Variants in PCCA observed in about 807,000 individuals in gnomAD.
PCCA encodes the protein propionyl-CoA carboxylase alpha chain, mitochondrial.
PCCA carries 74 observed loss-of-function variants against 101.3 expected under a neutral mutation model. The observed-to-expected ratio is 0.73, with a 90% CI of 0.61 to 0.89. PCCA has a LOEUF of 0.89. Among genes scored for constraint, PCCA ranks in the 40% least tolerant of loss-of-function variants. The pLI is 0.00. For missense variants in PCCA, 891 were observed against 907.0 expected, an observed-to-expected ratio of 0.98 and a Z score of 0.23; for synonymous variants, 294 against 313.6, an observed-to-expected ratio of 0.94 and a Z score of 0.66.
chr13:100,506,907 A>AT (rs1200734676), intron 21 of PCCA, among the ~76,000 whole-genome samples: 21 of 152,186 alleles, frequency 1.4e-4, no homozygotes, highest in Non-Finnish European at 2.4e-4. Context: ...CTAATTATAG[A>AT]TTTTTAAGAG....
rs1240181267 is a variant in PCCA at position 100,232,355 on chromosome 13, T to TGCGTGC, written c.601-3486_601-3485insCGTGCG. ...GTTTATGTGTGTGTGTGTATGCGTG[T>TGCGTGC]GTGTGTGTGTGTGTGTGTGTGTGTG... On this transcript the variant is annotated intron_variant, in intron 7 of 23. Coordinates refer to ENST00000376285, the MANE Select transcript of PCCA (RefSeq NM_000282.4). 3.5e-5 allele frequency among the ~76,000 whole-genome samples: 5 copies of TGCGTGC among 143,624 alleles called. No homozygotes were observed. In the South Asian group the frequency reaches 7.0e-4, roughly 20 times the overall value. The allele number at this position is 143,624 out of a possible 152,430, so 94.2% of individuals were successfully genotyped here.
intron 21 of PCCA, among the ~76,000 whole-genome samples, chr13:100,466,816 C>T (rs777014686): frequency 2.0e-5 from 3 of 152,110 alleles, no homozygotes; most frequent in Non-Finnish European, 4.4e-5. Flanking sequence ...TGAGATTGCG[C>T]CACTGCACTC....
chr13:100,457,709 A>G (rs570057993), intron 21 of PCCA, among the ~76,000 whole-genome samples: 2 of 152,208 alleles, frequency 1.3e-5, no homozygotes, highest in Non-Finnish European at 2.9e-5. Context: ...TTGAAAAGGT[A>G]GTTCAGAGCA....
At chr13:100,353,429 A>T (rs1009132333) in intron 18 of PCCA, among the ~76,000 whole-genome samples, 1 of 152,236 alleles carries the variant, frequency 6.6e-6, no homozygotes, top group South Asian at 2.1e-4. Flanking sequence ...AATCATCCAA[A>T]GTATGTTTCT....
intron 4 of PCCA, among the ~76,000 whole-genome samples, chr13:100,120,657 A>G (rs983508390): frequency 3.9e-5 from 6 of 152,206 alleles, no homozygotes; most frequent in African/African-American, 9.7e-5. Context: ...GGGAAGCAGT[A>G]TAAAATACTC....
At chr13:100,469,211 C>CAAAAAAAAAAAAAAAAAAAAAAAAAA (rs534361898) in intron 21 of PCCA, among the ~76,000 whole-genome samples, 37 of 64,950 alleles carry the variant, frequency 5.7e-4, no homozygotes, top group Non-Finnish European at 6.3e-4. Flanking sequence ...AACTCCGTCT[C>CAAAAAAAAAAAAAAAAAAAAAAAAAA]AAAAAAAAAA....
At chr13:100,376,810 G>A (rs949008621) in intron 19 of PCCA, among the ~76,000 whole-genome samples, 1 of 152,128 alleles carries the variant, frequency 6.6e-6, no homozygotes, top group African/African-American at 2.4e-5. Context: ...CCAGGGGAGT[G>A]AATGGTTCTG....
At chr13:100,478,955 A>G (rs1475632228) in intron 21 of PCCA, among the ~76,000 whole-genome samples, 1 of 152,046 alleles carries the variant, frequency 6.6e-6, no homozygotes, top group African/African-American at 2.4e-5. Context: ...AGAAACACAC[A>G]ATTTGACTCT....
chr13:100,211,507 C>G (rs1210043833), intron 7 of PCCA, among the ~76,000 whole-genome samples: 2 of 152,168 alleles, frequency 1.3e-5, no homozygotes, highest in African/African-American at 4.8e-5. Flanking sequence ...CCATACTTCT[C>G]TCATGAGATA....
chr13:100,482,328 G>C (rs1334798365), intron 21 of PCCA, among the ~76,000 whole-genome samples: 1 of 152,208 alleles, frequency 6.6e-6, no homozygotes, highest in Non-Finnish European at 1.5e-5. Flanking sequence ...GAATGACTCA[G>C]GTTGACTTTC....
At position 100,394,297 on chromosome 13, in the gene PCCA, G is replaced by A. The variant is rs1029980035; in HGVS notation, c.1746+25723G>A. ...GGGGTTTAGGGTTCTATGTTGTACT[G>A]CTTTTTGATGTTGGTTTCCCTTTAA... On this transcript the variant is annotated intron_variant, in intron 19 of 23. Transcript: ENST00000376285. This position sits in a 1 kb window ranked among gnomAD's most constrained non-coding sequence, Gnocchi z 4.3. 2.0e-5 allele frequency among the ~76,000 whole-genome samples: 3 copies of A among 152,136 alleles called. No individual in the cohort carries two copies. Among genetic ancestry groups the A allele is most frequent in the Non-Finnish European group, 4.4e-5 (3 of 68,018 alleles).
rs920843064 is a variant in PCCA at position 100,465,085 on chromosome 13, G to C, written c.1899+15780G>C. 2.6e-4 allele frequency among the ~76,000 whole-genome samples: 40 copies of C among 152,182 alleles called. 1 individual carries two copies. The highest frequency in any genetic ancestry group is 7.3e-5 in the Non-Finnish European group (5 of 68,032). On this transcript the variant is annotated intron_variant, in intron 21 of 23. Transcript: ENST00000376285. ...CTTCTCTTATAGAAGAAAAATCTGA[G>C]TCAGTGGTTCTCAAGTTTTATCATG...
At chr13:100,442,530 T>TTGTA (rs1445037571) in intron 20 of PCCA, among the ~76,000 whole-genome samples, 2 of 152,194 alleles carry the variant, frequency 1.3e-5, no homozygotes, top group Non-Finnish European at 2.9e-5. Context: ...AATCTAACCT[T>TTGTA]TGTAGTGTCA....
intron 19 of PCCA, among the ~76,000 whole-genome samples, chr13:100,409,622 T>A (rs2077906794): frequency 6.6e-6 from 1 of 152,134 alleles, no homozygotes; most frequent in Non-Finnish European, 1.5e-5. Flanking sequence ...CCTTCCCGCC[T>A]GGCTATCTCA....
At chr13:100,454,152 G>A (rs989848758) in intron 21 of PCCA, among the ~76,000 whole-genome samples, 3 of 152,076 alleles carry the variant, frequency 2.0e-5, no homozygotes, top group Admixed American at 1.3e-4. Flanking sequence ...GGGATTACAG[G>A]CGTGAGCCAC....
chr13:100,487,530 A>G (rs837336), intron 21 of PCCA, among the ~76,000 whole-genome samples: 93,462 of 152,048 alleles, frequency 0.61, 29,478 homozygotes, highest in East Asian at 0.85. Flanking sequence ...TTAAATTAAT[A>G]TTTTTTATTT....
Position 100,147,025 on chromosome 13 carries a change from CTG to C in PCCA, c.301-7953_301-7952del, listed in dbSNP as rs1226892446. On this transcript the variant is annotated intron_variant, in intron 4 of 23. Coordinates refer to ENST00000376285, the MANE Select transcript of PCCA (RefSeq NM_000282.4). ...GGTAGAATTCTAAAAAAAAAAAAAA[CTG>C]AGTGATAAAATTAGTTGTAGAATAA... 1.9e-4 allele frequency among the ~76,000 whole-genome samples: 27 copies of C among 141,180 alleles called. No individual in the cohort carries two copies. The South Asian group carries it at 6.0e-3, about 31-fold the overall frequency. The allele number at this position is 141,180 out of a possible 152,430, so 92.6% of individuals were successfully genotyped here. A position where few individuals can be genotyped will look rare whatever the true frequency, so the allele number is the denominator to read the frequency against.
At chr13:100,148,427 A>T (rs1594369332) in intron 4 of PCCA, among the ~76,000 whole-genome samples, 3 of 49,736 alleles carry the variant, frequency 6.0e-5, no homozygotes, top group Admixed American at 3.0e-4. Context: ...CCCCACCCCT[A>T]CTCTACTTTT....
At chr13:100,528,474 C>A (rs2088053280) in intron 23 of PCCA, among the ~76,000 whole-genome samples, 1 of 152,216 alleles carries the variant, frequency 6.6e-6, no homozygotes, top group Non-Finnish European at 1.5e-5. Flanking sequence ...TTGGGGACAT[C>A]AGGTGCAAAG....
Sources: allele counts gnomAD v4.1 joint callset (sites outside exome capture counted in the v4.1 genomes callset), GRCh38; gene constraint gnomAD v4.1.1; non-coding constraint Gnocchi (gnomAD v3.1); transcripts MANE v1.5; gene names NCBI Gene and HGNC (gene_info 2026-07-23, HGNC 2026-07-21).